The following NALCN variants were observed in gnomAD, a reference collection of about 807,000 sequenced individuals.
NALCN encodes the protein sodium leak channel, non-selective.
A neutral mutation model predicts 225.3 loss-of-function variants in NALCN; 111 were observed. The observed-to-expected ratio is 0.49, with a 90% CI of 0.42 to 0.58. NALCN has a LOEUF of 0.58. Ranked by LOEUF, NALCN falls within the 20% of genes least tolerant of loss-of-function variation. The pLI is 0.00. For synonymous variants in NALCN, 764 were observed against 769.0 expected (o/e 0.99, Z 0.11); for missense variants, 1,378 against 2,202.4 (o/e 0.63, Z 7.49).
chr13:101,261,549 T>C (rs2042427479), intron 10 of NALCN, among the ~76,000 whole-genome samples: 1 of 152,178 alleles, frequency 6.6e-6, no homozygotes, highest in Non-Finnish European at 1.5e-5. Flanking sequence ...ATAGTGTTCA[T>C]TATGGAGATC....
intron 27 of NALCN, among the ~76,000 whole-genome samples, chr13:101,098,550 G>A (rs1481681445): frequency 6.6e-6 from 1 of 152,206 alleles, no homozygotes; most frequent in Non-Finnish European, 1.5e-5. Flanking sequence ...AAACAAAGGA[G>A]CAGAGGGAGG....
intron 6 of NALCN, among the ~76,000 whole-genome samples, chr13:101,346,452 C>A (rs1471630621): frequency 1.3e-5 from 2 of 152,082 alleles, no homozygotes; most frequent in East Asian, 3.9e-4. Context: ...ATTTTCTTTG[C>A]AGTACGAATA....
Position 101,055,166 on chromosome 13 carries a change from C to CAATT in NALCN, c.*125_*128dup, listed in dbSNP as rs2031058400. ...TGCCTTTCTGTGGCAGGATGAAAAT[C>CAATT]AATTTATAAACATCTTGTGACAAGC... On this transcript the variant is annotated 3_prime_UTR_variant, in exon 44 of 44. Transcript: ENST00000251127. 1.3e-6 allele frequency: 1 copy of CAATT among 761,444 alleles called. No homozygotes were observed. Among genetic ancestry groups the CAATT allele is most frequent in the African/African-American group, 1.8e-5 (1 of 56,980 alleles). The allele number at this position is 761,444 out of a possible 1,614,324, so 47.2% of individuals were successfully genotyped here.
intron 13 of NALCN, among the ~76,000 whole-genome samples, chr13:101,206,257 C>A (rs1441760387): frequency 1.3e-5 from 2 of 152,044 alleles, no homozygotes; most frequent in Non-Finnish European, 2.9e-5. Context: ...CCTGTGTAAT[C>A]AACTTTGATT....
chr13:101,200,366 C>T (rs1411937722), intron 13 of NALCN, among the ~76,000 whole-genome samples: 1 of 152,164 alleles, frequency 6.6e-6, no homozygotes, highest in Admixed American at 6.6e-5. Flanking sequence ...TAAATCCAAC[C>T]TTAGTCCTTG....
At chr13:101,221,624 C>G (rs999428246) in intron 13 of NALCN, among the ~76,000 whole-genome samples, 1 of 152,122 alleles carries the variant, frequency 6.6e-6, no homozygotes, top group Non-Finnish European at 1.5e-5. Flanking sequence ...AATATGTGGA[C>G]AGTTTACTCC....
Position 101,103,206 on chromosome 13 carries a change from CGA to C in NALCN, c.3021_3022del (p.Glu1009ThrfsTer39). ...TTCCTTGAAGCCGCTGAAAAGTTCTCGAACAACTTTCCTCATCTGGGGCACCA... is the reference window on the plus strand; with the variant it reads ...TTCCTTGAAGCCGCTGAAAAGTTCTCACAACTTTCCTCATCTGGGGCACCA... On this transcript the variant is annotated frameshift_variant, in exon 26 of 44. Transcript: ENST00000251127. LOFTEE classifies it high-confidence loss of function. 6.2e-7 allele frequency: 1 copy of C among 1,613,676 alleles called. No individual in the cohort carries two copies. Among genetic ancestry groups the C allele is most frequent in the African/African-American group, 1.3e-5 (1 of 74,988 alleles).
At chr13:101,114,064 C>T (rs2035579315) in intron 18 of NALCN, among the ~76,000 whole-genome samples, 1 of 152,174 alleles carries the variant, frequency 6.6e-6, no homozygotes, top group Non-Finnish European at 1.5e-5. Flanking sequence ...CAAAGAAGTG[C>T]ACCCTGCAGT....
At chr13:101,374,272 CTTTT>C (rs869167949) in intron 6 of NALCN, among the ~76,000 whole-genome samples, 1 of 119,924 alleles carries the variant, frequency 8.3e-6, no homozygotes, top group Admixed American at 8.4e-5. Context: ...AAATTTCTTT[CTTTT>C]TTTTTTTTTT....
At chr13:101,177,409 G>GTGTATATATATATATATATA (rs1555305753) in intron 14 of NALCN, among the ~76,000 whole-genome samples, 6 of 124,328 alleles carry the variant, frequency 4.8e-5, no homozygotes, top group Non-Finnish European at 1.1e-4. Flanking sequence ...GTAAATACGA[G>GTGTATATATATATATATATA]TATATATATA....
chr13:101,078,322 C>G (rs1160740149), intron 34 of NALCN, among the ~76,000 whole-genome samples: 1 of 152,188 alleles, frequency 6.6e-6, no homozygotes, highest in Non-Finnish European at 1.5e-5. Flanking sequence ...GGTAGATCCA[C>G]TGACAGCTTG....
intron 6 of NALCN, among the ~76,000 whole-genome samples, chr13:101,362,506 T>C (rs2046277463): frequency 1.3e-5 from 2 of 152,220 alleles, no homozygotes; most frequent in African/African-American, 2.4e-5. Flanking sequence ...ATTATTTCAA[T>C]AGATGCAGAA....
rs567259270 is a variant in NALCN at position 101,408,578 on chromosome 13, G to A, written c.-40+7735C>T. Among the ~76,000 whole-genome samples the A allele has an allele frequency of 7.9e-5, 12 of 152,344 alleles. No homozygotes were observed. In the East Asian group the frequency reaches 2.1e-3, roughly 27 times the overall value. ...GCCCACTCCCCTGCCCCTGCAGGTA[G>A]TGGATTGTTGTGGTTGATTTTCAAT... is the stretch of plus-strand genomic sequence containing the variant. On this transcript the variant is annotated intron_variant, in intron 1 of 43. Coordinates refer to ENST00000251127, the MANE Select transcript of NALCN (RefSeq NM_052867.4).
At chr13:101,310,653 G>C (rs933871302) in intron 7 of NALCN, among the ~76,000 whole-genome samples, 11 of 151,894 alleles carry the variant, frequency 7.2e-5, no homozygotes, top group African/African-American at 2.7e-4. Flanking sequence ...TGTTTCCTTT[G>C]GTAGAATTTG....
At chr13:101,265,823 TCAGA>T (rs1344723873) in intron 10 of NALCN, among the ~76,000 whole-genome samples, 3 of 152,146 alleles carry the variant, frequency 2.0e-5, no homozygotes, top group Non-Finnish European at 2.9e-5. Context: ...TTGCCTTGTA[TCAGA>T]CAGTCAAAAT....
chr13:101,150,880 C>A (rs2037613475), intron 15 of NALCN, among the ~76,000 whole-genome samples: 1 of 151,968 alleles, frequency 6.6e-6, no homozygotes, highest in Non-Finnish European at 1.5e-5. Context: ...AGGAAAAGAA[C>A]ACAGTGTAGA....
Position 101,173,212 on chromosome 13 carries a change from C to G in NALCN, c.1839+3088G>C, listed in dbSNP as rs117306591. Among the ~76,000 whole-genome samples, 1,210 of 152,352 alleles carry G rather than the reference C, an allele frequency of 7.9e-3. 14 individuals carry two copies. Among genetic ancestry groups the G allele is most frequent in the South Asian group, 0.051 (246 of 4,832 alleles). On this transcript the variant is annotated intron_variant, in intron 15 of 43. Coordinates refer to ENST00000251127, the MANE Select transcript of NALCN (RefSeq NM_052867.4). ...CTGCATTCACCGCTATTCTCAGAAA[C>G]TGTCCTTCATTCTAACAGTTACTTG...
At chr13:101,063,610 T>A (rs1318780448) in intron 40 of NALCN, among the ~76,000 whole-genome samples, 1 of 152,262 alleles carries the variant, frequency 6.6e-6, no homozygotes, top group African/African-American at 2.4e-5. Context: ...TCACATGCAT[T>A]TCTCCGTCCC....
At chr13:101,381,852 A>G (rs980135329) in intron 3 of NALCN, among the ~76,000 whole-genome samples, 9 of 143,632 alleles carry the variant, frequency 6.3e-5, no homozygotes, top group African/African-American at 1.5e-4. Context: ...CTTGTGTGTT[A>G]GGGAAAAAAA....
Sources: gnomAD v4.1 joint callset for allele counts (sites outside exome capture counted in the v4.1 genomes callset) on GRCh38, gnomAD v4.1.1 for gene constraint, MANE v1.5 for transcripts, NCBI Gene and HGNC (gene_info 2026-07-23, HGNC 2026-07-21) for gene names.